Variants in ZBBX observed in about 807,000 individuals in gnomAD.
ZBBX encodes zinc finger B-box domain containing.
In ZBBX, 101 loss-of-function variants were observed where a neutral mutation model predicts 108.5. The observed-to-expected ratio is 0.93, with a 90% CI of 0.79 to 1.10. The LOEUF (loss-of-function observed/expected upper bound fraction) is 1.10, where lower values mean the gene tolerates loss of function less well. Among genes scored for constraint, ZBBX ranks in the 50% least tolerant of loss-of-function variants. ZBBX has a pLI of 0.00. For synonymous variants in ZBBX, 356 were observed against 323.4 expected (o/e 1.10, Z -1.08); for missense variants, 1,009 against 941.4 (o/e 1.07, Z -0.94).
In ZBBX at chr3:167,334,478, A is replaced by AC. The variant is rs531328555; in HGVS notation, c.529-494dup. On this transcript the variant is annotated intron_variant, in intron 9 of 21. Transcript: ENST00000675490. ...AGTCTCCGCTACTCGGGAGGCTGAG[A>AC]CAGGAGGATTGCTTGAACCCAGGAG... is the stretch of plus-strand genomic sequence containing the variant. 9.2e-5 allele frequency among the ~76,000 whole-genome samples: 14 copies of AC among 152,060 alleles called. No homozygotes were observed. In the South Asian group the frequency reaches 2.7e-3, roughly 29 times the overall value.
chr3:167,322,010 C>T (rs1205460487), intron 12 of ZBBX, 107 bp downstream of exon 12: 7 of 637,860 alleles, frequency 1.1e-5, no homozygotes, highest in Non-Finnish European at 1.6e-5. Flanking sequence ...ATTATGTATG[C>T]AAATATGAAA....
At chr3:167,289,739 G>A (rs894881880) in intron 18 of ZBBX, among the ~76,000 whole-genome samples, 7 of 152,188 alleles carry the variant, frequency 4.6e-5, no homozygotes, top group African/African-American at 1.7e-4. Flanking sequence ...CCTGGAACAT[G>A]AGTGAGACAG....
intron 1 of ZBBX, among the ~76,000 whole-genome samples, chr3:167,392,426 T>G (rs919835490): frequency 6.6e-6 from 1 of 151,880 alleles, no homozygotes; most frequent in African/African-American, 2.4e-5. Context: ...TAATTTCTCT[T>G]GAGTAAACAT....
chr3:167,323,760 T>A (rs1255550364), intron 11 of ZBBX, among the ~76,000 whole-genome samples: 3 of 152,108 alleles, frequency 2.0e-5, no homozygotes, highest in African/African-American at 7.2e-5. Context: ...TGGGAAAGTA[T>A]GCCTAAAGTA....
At chr3:167,222,468 A>G in the ZBBX span, among the ~76,000 whole-genome samples, 1 of 151,814 alleles carries the variant, frequency 6.6e-6, no homozygotes, top group Non-Finnish European at 1.5e-5. Flanking sequence ...TGGACAAAAA[A>G]AATAGTTAGG....
the ZBBX span, among the ~76,000 whole-genome samples, chr3:167,218,549 C>T: frequency 6.6e-6 from 1 of 151,922 alleles, no homozygotes; most frequent in Non-Finnish European, 1.5e-5. Flanking sequence ...ACTCTTAAGT[C>T]GTCATCAGTT....
chr3:167,192,582 G>C, the ZBBX span, among the ~76,000 whole-genome samples: 2 of 152,050 alleles, frequency 1.3e-5, no homozygotes. Context: ...CTCTTGCTCA[G>C]CTCCTTTTTG....
chr3:167,241,026 G>C, intron 21 of ZBBX, 107 bp from the exon 22 acceptor site: 1 of 1,297,358 alleles, frequency 7.7e-7, no homozygotes, highest in African/African-American at 1.5e-5. Context: ...GAGGCAAGCA[G>C]ATGTGAGGGA....
intron 16 of ZBBX, among the ~76,000 whole-genome samples, chr3:167,309,609 G>A (rs1734241242): frequency 6.6e-6 from 1 of 152,214 alleles, no homozygotes; most frequent in Non-Finnish European, 1.5e-5. Flanking sequence ...CTGTATCTTG[G>A]CCCCTTTTAA....
At chr3:167,245,254 A>G (rs1411428402) in intron 20 of ZBBX, among the ~76,000 whole-genome samples, 2 of 152,206 alleles carry the variant, frequency 1.3e-5, no homozygotes, top group Non-Finnish European at 2.9e-5. Context: ...TCTACTAAAA[A>G]TACAAAAAAT....
the ZBBX span, among the ~76,000 whole-genome samples, chr3:167,189,755 T>C: frequency 0.051 from 7,834 of 152,250 alleles, 561 homozygotes; most frequent in African/African-American, 0.16. Context: ...ACCAGAGTGA[T>C]ACATTTATTA....
At chr3:167,280,368 A>T (rs1409428577) in intron 20 of ZBBX, among the ~76,000 whole-genome samples, 3 of 151,860 alleles carry the variant, frequency 2.0e-5, no homozygotes, top group Non-Finnish European at 2.9e-5. Context: ...ACAAAGGGCT[A>T]ATATCCAGAA....
At position 167,387,823 on chromosome 3, in the gene ZBBX, G is replaced by A. The variant is rs533124508; in HGVS notation, c.-445-7418C>T. Among the ~76,000 whole-genome samples, 3 of 152,132 alleles carry A rather than the reference G, an allele frequency of 2.0e-5. No individual in the cohort carries two copies. The East Asian group carries it at 5.8e-4, about 29-fold the overall frequency. On this transcript the variant is annotated intron_variant, in intron 1 of 21. Coordinates refer to the ZBBX transcript ENST00000455345. Reference sequence around the variant, plus strand: ...TCAATGGACTTGGAATTAACTAGATGAGAGGCTGAGGAGTGAAGGATGACC... The same window carrying A: ...TCAATGGACTTGGAATTAACTAGATAAGAGGCTGAGGAGTGAAGGATGACC...
chr3:167,322,157 G>C lies in ZBBX; in HGVS notation c.943C>G (p.Leu315Val). ...AGCCATAATTTTTCCATATAGGATA[G>C]AATGTCTTCTTTAAGTTCAATATTA... ...PLNIELKEDI[L>V]SYMEKLWLKK... is the part of the protein sequence containing the mutation. Residue 315 changes from leucine (L) to valine (V), a missense_variant, in exon 12 of 22, where the codon CTA (leucine) becomes GTA (valine). Transcript: ENST00000675490. 7.0e-7 allele frequency: 1 copy of C among 1,430,080 alleles called. No homozygotes were observed. The allele number at this position is 1,430,080 out of a possible 1,614,324, so 88.6% of individuals were successfully genotyped here. A position where few individuals can be genotyped will look rare whatever the true frequency, so the allele number is the denominator to read the frequency against.
chr3:167,254,052 A>G (rs978580346), intron 20 of ZBBX, among the ~76,000 whole-genome samples: 14 of 152,180 alleles, frequency 9.2e-5, no homozygotes, highest in Non-Finnish European at 2.1e-4. Flanking sequence ...ACAAACATCA[A>G]TGGGGTAGTT....
chr3:167,355,681 C>T (rs1374892411), intron 8 of ZBBX, among the ~76,000 whole-genome samples: 1 of 151,866 alleles, frequency 6.6e-6, no homozygotes, highest in Admixed American at 6.6e-5. Flanking sequence ...CACAAGATAA[C>T]ATCAGAGTTT....
chr3:167,384,678 A>T (rs1314378405), upstream of ZBBX, among the ~76,000 whole-genome samples: 1 of 152,036 alleles, frequency 6.6e-6, no homozygotes, highest in African/African-American at 2.4e-5. Flanking sequence ...GTATTGAGAG[A>T]GGCATTCATT....
intron 15 of ZBBX, 29 bp from the exon 16 acceptor site, chr3:167,314,145 T>A: frequency 6.5e-7 from 1 of 1,531,190 alleles, no homozygotes; most frequent in Non-Finnish European, 8.7e-7. Context: ...AACAAAATAA[T>A]AGAGTTGAAA....
At chr3:167,213,924 C>T in the ZBBX span, among the ~76,000 whole-genome samples, 2 of 152,080 alleles carry the variant, frequency 1.3e-5, no homozygotes, top group African/African-American at 2.4e-5. Context: ...AATCTTATAT[C>T]CAGCCAAACT....
Sources: gnomAD v4.1 joint callset for allele counts (sites outside exome capture counted in the v4.1 genomes callset) on GRCh38, gnomAD v4.1.1 for gene constraint, MANE v1.5 for transcripts, NCBI Gene and HGNC (gene_info 2026-07-23, HGNC 2026-07-21) for gene names.